SUMF1: variants seen among roughly 807,000 people sequenced by gnomAD.
SUMF1 encodes sulfatase modifying factor 1.
Under a neutral mutation model 47.6 loss-of-function variants are expected in SUMF1, and 48 were observed. That is an observed-to-expected ratio of 1.01 (90% CI 0.80 to 1.28). The LOEUF is 1.28. Ranked by LOEUF, SUMF1 falls within the 50% of genes most tolerant of loss-of-function variation. SUMF1 has a pLI of 0.00. For missense variants in SUMF1, 571 were observed against 485.4 expected (o/e 1.18, Z -1.66); for synonymous variants, 230 against 192.1 (o/e 1.20, Z -1.63).
chr3:4,273,261 T>C (rs1409549146), intron 8 of SUMF1, among the ~76,000 whole-genome samples: 4 of 151,900 alleles, frequency 2.6e-5, no homozygotes, highest in African/African-American at 7.3e-5. Flanking sequence ...GGGCAAAAAA[T>C]GGAAACATTC....
intron 8 of SUMF1, among the ~76,000 whole-genome samples, chr3:4,199,868 TAAGTCTTTTATCA>T (rs1026738514): frequency 6.6e-6 from 1 of 152,192 alleles, no homozygotes; most frequent in Non-Finnish European, 1.5e-5. Flanking sequence ...TACCTGGACA[TAAGTCTTTTATCA>T]AACATATAAT....
chr3:4,155,880 T>A (rs1694440619), intron 8 of SUMF1, among the ~76,000 whole-genome samples: 2 of 151,026 alleles, frequency 1.3e-5, no homozygotes, highest in African/African-American at 4.9e-5. Flanking sequence ...CCCCAAGACC[T>A]TCCCCTCCAC....
intron 8 of SUMF1, among the ~76,000 whole-genome samples, chr3:4,108,458 G>T (rs1308658466): frequency 6.6e-6 from 1 of 152,068 alleles, no homozygotes; most frequent in Non-Finnish European, 1.5e-5. Context: ...GCAGAGCTGA[G>T]TTCAATTCCT....
chr3:4,445,616 A>G (rs1702754555), intron 3 of SUMF1, among the ~76,000 whole-genome samples: 1 of 152,130 alleles, frequency 6.6e-6, no homozygotes, highest in Non-Finnish European at 1.5e-5. Flanking sequence ...AAGTGCTGGG[A>G]TTGTGGGCAT....
intron 8 of SUMF1, among the ~76,000 whole-genome samples, chr3:4,074,119 C>T (rs1311996471): frequency 2.6e-5 from 4 of 152,084 alleles, no homozygotes; most frequent in Non-Finnish European, 5.9e-5. Context: ...TGTAAAAGAA[C>T]AGAAATCACA....
chr3:4,264,250 C>T (rs144967088), intron 8 of SUMF1, among the ~76,000 whole-genome samples: 1 of 152,290 alleles, frequency 6.6e-6, no homozygotes, highest in East Asian at 1.9e-4. Flanking sequence ...TCTAGAGACA[C>T]TTCCCAGGCA....
chr3:4,420,582 G>C (rs555209007), intron 3 of SUMF1, among the ~76,000 whole-genome samples: 1 of 151,998 alleles, frequency 6.6e-6, no homozygotes, highest in African/African-American at 2.4e-5. Flanking sequence ...ATTTTTACTA[G>C]AGACAGGGTT....
At chr3:4,180,700 A>AC (rs1553606606) in intron 8 of SUMF1, among the ~76,000 whole-genome samples, 9 of 151,534 alleles carry the variant, frequency 5.9e-5, no homozygotes, top group East Asian at 1.9e-4. Flanking sequence ...ACACACACAC[A>AC]AAATTAGCCA....
At chr3:4,312,967 A>G in intron 8 of SUMF1, 16 of 1,613,974 alleles carry the variant, frequency 9.9e-6, no homozygotes, top group Non-Finnish European at 1.3e-5. Flanking sequence ...TCCCGGATGC[A>G]TTTGTGTCAA....
chr3:4,128,725 G>C (rs1482742005), intron 8 of SUMF1, among the ~76,000 whole-genome samples: 1 of 152,066 alleles, frequency 6.6e-6, no homozygotes, highest in Admixed American at 6.5e-5. Flanking sequence ...TTAGAAATTA[G>C]AAATAATTTA....
intron 8 of SUMF1, among the ~76,000 whole-genome samples, chr3:4,176,518 T>C (rs1694967166): frequency 6.6e-6 from 1 of 152,164 alleles, no homozygotes; most frequent in Admixed American, 6.5e-5. Context: ...AGGCCTGCCT[T>C]ACAATAGCTG....
chr3:4,211,203 C>CATACATATATAT (rs779146352), intron 8 of SUMF1, among the ~76,000 whole-genome samples: 10 of 98,158 alleles, frequency 1.0e-4, no homozygotes, highest in African/African-American at 3.9e-4. Flanking sequence ...TACATACATA[C>CATACATATATAT]ATATATATAT....
intron 8 of SUMF1, among the ~76,000 whole-genome samples, chr3:4,119,287 T>C (rs1383252150): frequency 6.6e-6 from 1 of 152,160 alleles, no homozygotes; most frequent in Non-Finnish European, 1.5e-5. Flanking sequence ...TTACTGCCTG[T>C]TATATTCCTT....
chr3:4,152,988 G>A (rs1056683466), intron 8 of SUMF1, among the ~76,000 whole-genome samples: 4 of 151,438 alleles, frequency 2.6e-5, no homozygotes, highest in Non-Finnish European at 4.4e-5. Flanking sequence ...TAGTTGTTTG[G>A]CATAAGCTAA....
intron 8 of SUMF1, among the ~76,000 whole-genome samples, chr3:4,305,094 G>C (rs1698135305): frequency 6.6e-6 from 1 of 151,918 alleles, no homozygotes. Flanking sequence ...TTAAGATAAA[G>C]GGTTTTTTTT....
At chr3:4,176,730 A>G (rs1438375526) in intron 8 of SUMF1, among the ~76,000 whole-genome samples, 2 of 152,212 alleles carry the variant, frequency 1.3e-5, no homozygotes, top group Admixed American at 1.3e-4. Flanking sequence ...CCCCATTAAA[A>G]GACACAGACT....
intron 8 of SUMF1, among the ~76,000 whole-genome samples, chr3:4,079,227 T>G (rs2125043690): frequency 6.6e-6 from 1 of 152,224 alleles, no homozygotes; most frequent in South Asian, 2.1e-4. Flanking sequence ...CTGTAAATAT[T>G]ATTAGCTAAC....
At chr3:4,373,152 T>C (rs1700218077) in intron 8 of SUMF1, among the ~76,000 whole-genome samples, 1 of 151,886 alleles carries the variant, frequency 6.6e-6, no homozygotes, top group Admixed American at 6.6e-5. Context: ...TTACAACTAA[T>C]AAGCATAAGG....
intron 8 of SUMF1, among the ~76,000 whole-genome samples, chr3:4,171,486 C>T (rs751059205): frequency 2.0e-4 from 30 of 152,168 alleles, no homozygotes; most frequent in Non-Finnish European, 3.4e-4. Flanking sequence ...CAAATGATTA[C>T]ATCTAAATTA....
Sources: gnomAD v4.1 joint callset for allele counts (sites outside exome capture counted in the v4.1 genomes callset) on GRCh38, gnomAD v4.1.1 for gene constraint, MANE v1.5 for transcripts, NCBI Gene and HGNC (gene_info 2026-07-23, HGNC 2026-07-21) for gene names.